ZNF541: variants seen among roughly 807,000 people sequenced by gnomAD.
The protein encoded by ZNF541 is zinc finger protein 541.
In ZNF541, 23 loss-of-function variants were observed where a neutral mutation model predicts 123.5. That is an observed-to-expected ratio of 0.19 (90% CI 0.13 to 0.26). The LOEUF is 0.26. Ranked by LOEUF, ZNF541 falls within the 10% of genes least tolerant of loss-of-function variation. The pLI is 1.00. For missense variants in ZNF541, 1,612 were observed against 1,789.9 expected, an observed-to-expected ratio of 0.90 and a Z score of 1.79; for synonymous variants, 751 against 754.5, an observed-to-expected ratio of 1.00 and a Z score of 0.08.
chr19:47,561,310 T>C (rs993590345), intron 2 of ZNF541, among the ~76,000 whole-genome samples: 4 of 152,058 alleles, frequency 2.6e-5, no homozygotes, highest in African/African-American at 9.7e-5. Context: ...TGGTGGCACA[T>C]GCTTGTGGTT....
chr19:47,539,607 T>G, intron 8 of ZNF541, 98 bp downstream of exon 8: 1 of 1,287,268 alleles, frequency 7.8e-7, no homozygotes, highest in South Asian at 2.1e-5. Flanking sequence ...CAGCCTGGAG[T>G]CAAAGATTTT....
chr19:47,542,574 C>T (rs1158874517), intron 5 of ZNF541, among the ~76,000 whole-genome samples: 3 of 152,120 alleles, frequency 2.0e-5, no homozygotes, highest in Non-Finnish European at 4.4e-5. Context: ...ATTGCTTGAA[C>T]TTGGGAGGCA....
chr19:47,541,184 G>A (rs562609523), intron 5 of ZNF541, among the ~76,000 whole-genome samples: 4 of 152,236 alleles, frequency 2.6e-5, no homozygotes, highest in East Asian at 1.9e-4. Flanking sequence ...TTGGGAGGCC[G>A]AGGTGGGAGG....
At position 47,568,532 on chromosome 19, in the gene ZNF541, CAG is replaced by C. The variant is rs374999562; in HGVS notation, c.-99+3362_-99+3363del. Among the ~76,000 whole-genome samples, 693 of 152,146 alleles carry C rather than the reference CAG, an allele frequency of 4.6e-3. 8 individuals carry two copies. Among genetic ancestry groups the C allele is most frequent in the African/African-American group, 0.016 (670 of 41,514 alleles). ...CTAATTTTTGTATTTTTAATAGAGACAGGGTTTTGCCATGTTGGCCAGGCTGG... is the reference window on the plus strand; with the variant it reads ...CTAATTTTTGTATTTTTAATAGAGACGGTTTTGCCATGTTGGCCAGGCTGG... On this transcript the variant is annotated intron_variant, in intron 2 of 16. Coordinates refer to ENST00000391901, the MANE Select transcript of ZNF541 (RefSeq NM_001277075.3).
At chr19:47,524,406 G>A (rs1969187717) in intron 14 of ZNF541, among the ~76,000 whole-genome samples, 1 of 152,128 alleles carries the variant, frequency 6.6e-6, no homozygotes, top group African/African-American at 2.4e-5. Context: ...TTTAATATAT[G>A]TTCAAAGAGT....
At chr19:47,527,419 A>G (rs900971317) in intron 14 of ZNF541, among the ~76,000 whole-genome samples, 1 of 152,050 alleles carries the variant, frequency 6.6e-6, no homozygotes, top group African/African-American at 2.4e-5. Context: ...CGGGGTGGTG[A>G]GAGTCTCATC....
intron 8 of ZNF541, 72 bp from the exon 9 acceptor site, chr19:47,538,511 G>C: frequency 1.4e-6 from 2 of 1,409,382 alleles, no homozygotes; most frequent in Non-Finnish European, 1.9e-6. Context: ...AGGATGGAAA[G>C]AGAGCAGGAA....
chr19:47,544,837 G>A lies in ZNF541; in HGVS notation c.1692C>T (p.Ser564=). 1.3e-6 allele frequency: 2 copies of A among 1,535,414 alleles called. No individual in the cohort carries two copies. Among genetic ancestry groups the A allele is most frequent in the African/African-American group, 1.4e-5 (1 of 73,166 alleles). Residue 564 remains serine (S), a synonymous_variant, in exon 5 of 17, where the codon TCC becomes TCT. Coordinates refer to ENST00000391901, the MANE Select transcript of ZNF541 (RefSeq NM_001277075.3). The part of the protein sequence containing the change: ...QMQVFQMITK[S]QRIFSHAQVA... ...CCTGGGCATGGGAGAAGATCCGCTG[G>A]GACTTGGTGATCATCTGGAACACCT...
chr19:47,541,275 T>G (rs926727047), intron 5 of ZNF541, among the ~76,000 whole-genome samples: 17 of 151,970 alleles, frequency 1.1e-4, no homozygotes, highest in African/African-American at 4.1e-4. Flanking sequence ...AAAATTGGCC[T>G]GGCATACTGG....
intron 14 of ZNF541, among the ~76,000 whole-genome samples, chr19:47,523,825 C>G (rs954710630): frequency 6.6e-6 from 1 of 152,084 alleles, no homozygotes; most frequent in African/African-American, 2.4e-5. Context: ...GTAGAGCCCA[C>G]AGGACAGAGG....
intron 2 of ZNF541, among the ~76,000 whole-genome samples, chr19:47,563,397 C>T (rs942061147): frequency 3.9e-5 from 6 of 152,120 alleles, no homozygotes; most frequent in African/African-American, 1.2e-4. Flanking sequence ...GGTTTGGCCA[C>T]CAGATGATAT....
intron 3 of ZNF541, among the ~76,000 whole-genome samples, chr19:47,552,140 C>T (rs2123245402): frequency 6.6e-6 from 1 of 152,304 alleles, no homozygotes; most frequent in Admixed American, 6.5e-5. Flanking sequence ...TTACAAAGTG[C>T]ATGAGCCACT....
At position 47,531,689 on chromosome 19, in the gene ZNF541, G is replaced by C. The variant is rs1233668949; in HGVS notation, c.3358C>G (p.Leu1120Val). The change falls in exon 12 of 17, where the codon CTG becomes GTG. Residue 1120 changes from leucine to valine, a missense_variant. Leu to Val is a conservative substitution (Grantham distance 32). Transcript: ENST00000391901. ...SSVMPGGGTN[L>V]ELALHCLHEA... ...TGCAGGCAGTGCAGAGCGAGCTCCA[G>C]GTTGGTGCCCCCTCCTGGCATCACG... 16 of 1,548,864 alleles carry C rather than the reference G, an allele frequency of 1.0e-5. No homozygotes were observed. The highest frequency in any genetic ancestry group is 1.3e-5 in the Non-Finnish European group (15 of 1,144,860).
intron 3 of ZNF541, among the ~76,000 whole-genome samples, chr19:47,555,327 G>A (rs1293183315): frequency 9.5e-5 from 14 of 147,414 alleles, no homozygotes; most frequent in South Asian, 2.1e-4. Flanking sequence ...CTGAGATCGC[G>A]CCACTGCACT....
chr19:47,523,520 C>T (rs1240833015), intron 14 of ZNF541, among the ~76,000 whole-genome samples: 3 of 152,088 alleles, frequency 2.0e-5, no homozygotes, highest in Non-Finnish European at 4.4e-5. Flanking sequence ...TAAGAGACAT[C>T]ACTAAGTTTA....
Position 47,545,854 on chromosome 19 carries a change from G to A in ZNF541, c.675C>T (p.Ile225=). The A allele has an allele frequency of 1.3e-6, 2 of 1,549,706 alleles. No homozygotes were observed. The highest frequency in any genetic ancestry group is 1.2e-5 in the South Asian group (1 of 84,008). The change falls in exon 5 of 17, where the codon ATC becomes ATT. Residue 225 remains isoleucine, a synonymous_variant. Transcript: ENST00000391901. The surrounding 1 kb of genome is among the most constrained non-coding windows in gnomAD (Gnocchi z 7.5). The part of the protein sequence containing the change: ...RHYEVHHGLC[I]LKEAPPEEEA... ...CTTCCTCCGGGGGGGCTTCCTTCAG[G>A]ATGCACAGGCCGTGATGGACCTCGT...
chr19:47,530,488 C>T (rs1270287350), intron 12 of ZNF541, among the ~76,000 whole-genome samples: 1 of 151,064 alleles, frequency 6.6e-6, no homozygotes. Context: ...CCTGGCCTAG[C>T]TAACAATTTG....
Position 47,521,125 on chromosome 19 carries a change from AG to A in ZNF541, c.*98del. The stretch of plus-strand genomic sequence containing the variant: ...GCAGGTTGGCCAACAGGGGACAGGG[AG>A]GGTGGGGGGAGGCAGAGGGGTGCCC... On this transcript the variant is annotated 3_prime_UTR_variant, in exon 17 of 17. Coordinates refer to ENST00000391901, the MANE Select transcript of ZNF541 (RefSeq NM_001277075.3). The surrounding 1 kb of genome is among the most constrained non-coding windows in gnomAD (Gnocchi z 4.2). The A allele has an allele frequency of 7.0e-7, 1 of 1,422,292 alleles. No homozygotes were observed. The highest frequency in any genetic ancestry group is 9.4e-7 in the Non-Finnish European group (1 of 1,065,476). 88.1% of individuals were successfully genotyped at this position (1,422,292 alleles called of 1,614,324 possible). A position where few individuals can be genotyped will look rare whatever the true frequency, so the allele number is the denominator to read the frequency against.
intron 2 of ZNF541, among the ~76,000 whole-genome samples, chr19:47,562,351 C>A (rs1971099234): frequency 6.6e-6 from 1 of 152,110 alleles, no homozygotes; most frequent in African/African-American, 2.4e-5. Flanking sequence ...CAAGACCAGC[C>A]TGGCCAACAT....
Sources: allele counts gnomAD v4.1 joint callset (sites outside exome capture counted in the v4.1 genomes callset), GRCh38; gene constraint gnomAD v4.1.1; non-coding constraint Gnocchi (gnomAD v3.1); transcripts MANE v1.5; gene names NCBI Gene and HGNC (gene_info 2026-07-23, HGNC 2026-07-21).